The following ABL1 variants were observed in gnomAD, a reference collection of about 807,000 sequenced individuals.
ABL1 encodes ABL proto-oncogene 1, non-receptor tyrosine kinase, also known as tyrosine-protein kinase ABL1.
In ABL1, 11 loss-of-function variants were observed where a neutral mutation model predicts 94.7. That is an observed-to-expected ratio of 0.12 (90% CI 0.07 to 0.19). The LOEUF is 0.19. Among genes scored for constraint, ABL1 ranks in the 10% least tolerant of loss-of-function variants. The pLI is 1.00. For missense variants in ABL1, 1,082 were observed against 1,489.4 expected, an observed-to-expected ratio of 0.73 and a Z score of 4.50; for synonymous variants, 656 against 622.4, an observed-to-expected ratio of 1.05 and a Z score of -0.80.
chr9:130,794,270 G>C (rs1378831220), intron 1 of ABL1, among the ~76,000 whole-genome samples: 2 of 152,008 alleles, frequency 1.3e-5, no homozygotes, highest in African/African-American at 4.8e-5. Flanking sequence ...AAACTGCAAC[G>C]TTTGTAACTG....
intron 1 of ABL1, among the ~76,000 whole-genome samples, chr9:130,824,633 C>G (rs1280104119): frequency 5.9e-5 from 9 of 152,126 alleles, no homozygotes. Flanking sequence ...TAGGCACCAG[C>G]TCGTAGGAGG....
At chr9:130,771,985 C>T (rs1832259094) in intron 1 of ABL1, among the ~76,000 whole-genome samples, 1 of 152,108 alleles carries the variant, frequency 6.6e-6, no homozygotes, top group African/African-American at 2.4e-5. Flanking sequence ...AACTCCTGGC[C>T]TCAGGTGAGC....
intron 1 of ABL1, among the ~76,000 whole-genome samples, chr9:130,727,586 C>G (rs1254362696): frequency 2.0e-5 from 3 of 151,924 alleles, no homozygotes; most frequent in Non-Finnish European, 2.9e-5. Context: ...GATGGTGAAA[C>G]CCTGTCTCTT....
intron 1 of ABL1, among the ~76,000 whole-genome samples, chr9:130,752,699 C>T (rs1399022095): frequency 1.3e-5 from 2 of 152,206 alleles, no homozygotes; most frequent in Non-Finnish European, 2.9e-5. Flanking sequence ...TGGCTCATTC[C>T]TGTAATCCCA....
Position 130,835,440 on chromosome 9 carries a change from C to A in ABL1, c.-7C>A, listed in dbSNP as rs751342661. The A allele has an allele frequency of 6.5e-7, 1 of 1,544,850 alleles. No homozygotes were observed. The highest frequency in any genetic ancestry group is 8.8e-7 in the Non-Finnish European group (1 of 1,142,500). ...GGTTCCGGCCCCCGACGTGCTGGCG[C>A]GGGAAAATGTTGGAGATCTGCCTGA... On this transcript the variant is annotated 5_prime_UTR_variant, in exon 1 of 11. Transcript: ENST00000318560. This position sits in a 1 kb window ranked among gnomAD's most constrained non-coding sequence, Gnocchi z 4.6.
intron 1 of ABL1, among the ~76,000 whole-genome samples, chr9:130,747,974 A>G (rs1831908224): frequency 6.6e-6 from 1 of 152,190 alleles, no homozygotes; most frequent in South Asian, 2.1e-4. Flanking sequence ...AGAAATTGCC[A>G]AACTGTTTTA....
intron 1 of ABL1, among the ~76,000 whole-genome samples, chr9:130,821,843 T>A (rs10901289): frequency 0.021 from 411 of 19,260 alleles, no homozygotes; most frequent in African/African-American, 0.035. Flanking sequence ...TATTATTATT[T>A]TTTTTTTTTT....
chr9:130,786,384 T>C (rs1266420474), intron 1 of ABL1, among the ~76,000 whole-genome samples: 1 of 152,212 alleles, frequency 6.6e-6, no homozygotes, highest in East Asian at 1.9e-4. Flanking sequence ...TTTGGCTGTG[T>C]GTGAGTTTGA....
At chr9:130,777,723 G>A (rs1209291578) in intron 1 of ABL1, among the ~76,000 whole-genome samples, 1 of 18,826 alleles carries the variant, frequency 5.3e-5, no homozygotes, top group Non-Finnish European at 1.1e-4. Flanking sequence ...TTTGTAGACT[G>A]TGAGCAGGGG....
rs1831430008 is a variant in ABL1, at chr9:130,880,355, C to T, written c.1514-145C>T. The T allele has an allele frequency of 9.1e-7, 1 of 1,098,016 alleles. No individual in the cohort carries two copies. 68.0% of individuals were successfully genotyped at this position (1,098,016 alleles called of 1,614,324 possible). The stretch of plus-strand genomic sequence containing the variant: ...GCAGAGTTCTAAGAAATGCTAAGGG[C>T]TGTTTCTCCGGTATCCACGTGCCTT... On this transcript the variant is annotated intron_variant, in intron 9 of 10. Transcript: ENST00000318560. This position sits in a 1 kb window ranked among gnomAD's most constrained non-coding sequence, Gnocchi z 4.4.
intron 1 of ABL1, among the ~76,000 whole-genome samples, chr9:130,847,335 C>G (rs561932368): frequency 2.3e-4 from 35 of 151,876 alleles, no homozygotes; most frequent in African/African-American, 8.4e-4. Context: ...CCAAAAAGAT[C>G]TGCTGGAAGA....
At chr9:130,829,331 C>A (rs1588255871) in intron 1 of ABL1, among the ~76,000 whole-genome samples, 1 of 152,016 alleles carries the variant, frequency 6.6e-6, no homozygotes, top group African/African-American at 2.4e-5. Context: ...GAGGCCGAGG[C>A]GGGCAGATCA....
chr9:130,769,867 T>A lies in ABL1; in HGVS notation c.136+55412T>A, dbSNP rs1832231517. On this transcript the variant is annotated intron_variant, in intron 1 of 10. Coordinates refer to the ABL1 transcript ENST00000372348. ...ATCCTTTCTCTCTTCTCCCAGCTGC[T>A]GGCAACCCTGATCTGTTTTTTTGTC... Among the ~76,000 whole-genome samples the A allele has an allele frequency of 3.3e-5, 5 of 152,184 alleles. No homozygotes were observed. In the South Asian group the frequency reaches 1.0e-3, roughly 32 times the overall value.
chr9:130,836,051 C>T (rs1262911991), intron 1 of ABL1, among the ~76,000 whole-genome samples: 3 of 152,254 alleles, frequency 2.0e-5, no homozygotes, highest in Non-Finnish European at 2.9e-5. Flanking sequence ...ACACAAGGAG[C>T]ACCACTCTAC....
intron 10 of ABL1, among the ~76,000 whole-genome samples, chr9:130,883,391 G>A (rs1831499792): frequency 6.6e-6 from 1 of 152,088 alleles, no homozygotes; most frequent in Non-Finnish European, 1.5e-5. Context: ...TAGCTACTTG[G>A]GAGGCTGAGG....
At position 130,884,851 on chromosome 9, in the gene ABL1, C is replaced by A; in HGVS notation, c.2561C>A (p.Thr854Asn). 6.2e-7 allele frequency: 1 copy of A among 1,605,776 alleles called. No homozygotes were observed. Among genetic ancestry groups the A allele is most frequent in the Non-Finnish European group, 8.5e-7 (1 of 1,175,706 alleles). ...GCTGCAGCTGAGCCAGTGACCCCCA[C>A]CAGCAAAGCAGGCTCAGGTGCACCA... ...TPAAAEPVTP[T>N]SKAGSGAPGG... Residue 854 changes from threonine (T) to asparagine (N), a missense_variant, in exon 11 of 11, where the codon ACC (threonine) becomes AAC (asparagine). Transcript: ENST00000318560. This position sits in a 1 kb window ranked among gnomAD's most constrained non-coding sequence, Gnocchi z 5.6.
Position 130,732,921 on chromosome 9 carries a change from GGA to G in ABL1, c.136+18468_136+18469del, listed in dbSNP as rs542635130. 2.6e-5 allele frequency among the ~76,000 whole-genome samples: 4 copies of G among 152,286 alleles called. No homozygotes were observed. The South Asian group carries it at 8.3e-4, about 32-fold the overall frequency. ...TCGCTAGGTGAATTGTTATTAGCAA[GGA>G]GGGATGAAATTGCGAAATCTTAAAA... On this transcript the variant is annotated intron_variant, in intron 1 of 10. Coordinates refer to the ABL1 transcript ENST00000372348.
chr9:130,809,417 A>AGAGAGAGAGTGAGT (rs1389499231), intron 1 of ABL1, among the ~76,000 whole-genome samples: 2 of 84,306 alleles, frequency 2.4e-5, no homozygotes, highest in Non-Finnish European at 5.3e-5. Flanking sequence ...AGAGAGAGAG[A>AGAGAGAGAGTGAGT]GTGTGTGTGT....
At chr9:130,791,967 A>C (rs1474139697) in intron 1 of ABL1, among the ~76,000 whole-genome samples, 1 of 152,200 alleles carries the variant, frequency 6.6e-6, no homozygotes, top group East Asian at 1.9e-4. Context: ...CTCAAGAAGA[A>C]GGGAAATGAC....
Sources: gnomAD v4.1 joint callset for allele counts (sites outside exome capture counted in the v4.1 genomes callset) on GRCh38, gnomAD v4.1.1 for gene constraint, Gnocchi (gnomAD v3.1) non-coding constraint, MANE v1.5 for transcripts, NCBI Gene and HGNC (gene_info 2026-07-23, HGNC 2026-07-21) for gene names.